PKD1L1: variants seen among roughly 807,000 people sequenced by gnomAD.
PKD1L1 encodes polycystin 1 like 1, transient receptor potential channel interacting.
Under a neutral mutation model 323.4 loss-of-function variants are expected in PKD1L1, and 236 were observed. The ratio of observed to expected loss-of-function variants is 0.73; its 90% CI spans 0.66 to 0.81. The LOEUF (loss-of-function observed/expected upper bound fraction) is 0.81, where lower values mean the gene tolerates loss of function less well. Among genes scored for constraint, PKD1L1 ranks in the 40% least tolerant of loss-of-function variants. The pLI is 0.00. For synonymous variants in PKD1L1, 1,344 were observed against 1,335.0 expected, an observed-to-expected ratio of 1.01 and a Z score of -0.15; for missense variants, 3,320 against 3,508.0, an observed-to-expected ratio of 0.95 and a Z score of 1.35.
rs115153778 is a variant in PKD1L1, at chr7:47,775,138, G to A, written c.*5C>T. On this transcript the variant is annotated 3_prime_UTR_variant, in exon 57 of 57. Coordinates refer to ENST00000289672, the MANE Select transcript of PKD1L1 (RefSeq NM_138295.5). The stretch of plus-strand genomic sequence containing the variant: ...CCATAGTGCCTATGCAAGGTACCAG[G>A]CTCCTCAGAAGTCCTTGATGTCTGC... The A allele has an allele frequency of 6.2e-7, 1 of 1,613,788 alleles. No individual in the cohort carries two copies. Among genetic ancestry groups the A allele is most frequent in the Non-Finnish European group, 8.5e-7 (1 of 1,179,934 alleles).
intron 56 of PKD1L1, among the ~76,000 whole-genome samples, chr7:47,777,621 A>T (rs918406941): frequency 3.3e-5 from 5 of 152,222 alleles, no homozygotes; most frequent in Admixed American, 3.3e-4. Flanking sequence ...GCATTAGTGT[A>T]AGTATAGTTT....
Position 47,840,353 on chromosome 7 carries a change from A to G in PKD1L1, c.5552+108T>C, listed in dbSNP as rs191520159. ...GTTTGTATATAAATCGATGCTCACT[A>G]TTAGAGACCAATGTTATGTATTCTA... On this transcript the variant is annotated intron_variant, in intron 35 of 56. Transcript: ENST00000289672. The surrounding 1 kb of genome is among the most constrained non-coding windows in gnomAD (Gnocchi z 4.1). 1,652 of 732,680 alleles carry G rather than the reference A, an allele frequency of 2.3e-3. 11 individuals are homozygous for G. In the Middle Eastern group the frequency reaches 0.027, roughly 12 times the overall value. The allele number at this position is 732,680 out of a possible 1,614,324, so 45.4% of individuals were successfully genotyped here.
In PKD1L1 at chr7:47,857,053, C is replaced by T. The variant is rs111227916; in HGVS notation, c.4590+552G>A. Among the ~76,000 whole-genome samples the T allele has an allele frequency of 3.2e-3, 491 of 152,336 alleles. 7 individuals are homozygous for T. Among genetic ancestry groups the T allele is most frequent in the African/African-American group, 0.011 (476 of 41,574 alleles). ...CTCCCTGACTTCCCCATCCTCACAT[C>T]CCCCTTTCACTGTGGTCCCCTGTTC... On this transcript the variant is annotated intron_variant, in intron 28 of 56. Transcript: ENST00000289672.
the PKD1L1 span, among the ~76,000 whole-genome samples, chr7:47,960,414 AG>A: frequency 2.7e-5 from 4 of 148,408 alleles, no homozygotes; most frequent in Non-Finnish European, 6.0e-5. Context: ...AGAAAAAAAA[AG>A]AGCTCCATAT....
At chr7:47,911,032 T>C (rs925191703) in intron 8 of PKD1L1, among the ~76,000 whole-genome samples, 1 of 152,090 alleles carries the variant, frequency 6.6e-6, no homozygotes, top group Non-Finnish European at 1.5e-5. Context: ...AATACTGATA[T>C]AGTTCGGATG....
At chr7:47,898,373 T>C (rs1011978106) in intron 13 of PKD1L1, among the ~76,000 whole-genome samples, 179 bp from the exon 14 acceptor site, 1 of 151,888 alleles carries the variant, frequency 6.6e-6, no homozygotes, top group Non-Finnish European at 1.5e-5. Flanking sequence ...ATCTATTTTA[T>C]AGACAAAAAT....
At chr7:47,951,514 A>G (rs1456801798), upstream of PKD1L1, among the ~76,000 whole-genome samples, 2 of 152,238 alleles carry the variant, frequency 1.3e-5, no homozygotes, top group African/African-American at 4.8e-5. Flanking sequence ...TTCAGAATGA[A>G]TACCTGAAAG....
At chr7:47,804,100 G>A (rs1320074158) in intron 52 of PKD1L1, among the ~76,000 whole-genome samples, 2 of 152,284 alleles carry the variant, frequency 1.3e-5, no homozygotes, top group East Asian at 1.9e-4. Context: ...ATCTATATGG[G>A]CAATGAATCA....
intron 45 of PKD1L1, among the ~76,000 whole-genome samples, chr7:47,823,795 C>A (rs774660782): frequency 6.6e-6 from 1 of 152,186 alleles, no homozygotes; most frequent in South Asian, 2.1e-4. Context: ...AAATATCCCC[C>A]CTCCTGTTAT....
chr7:47,902,309 A>G (rs112245358), intron 13 of PKD1L1, 70 bp downstream of exon 13: 1 of 1,568,596 alleles, frequency 6.4e-7, no homozygotes, highest in South Asian at 1.2e-5. Context: ...TCACCACTCC[A>G]AACAGTGGTC....
In PKD1L1 at chr7:47,880,823, C is replaced by G. The variant is rs1218853522; in HGVS notation, c.3443-18G>C. On this transcript the variant is annotated intron_variant, in intron 20 of 56. Transcript: ENST00000289672. ...TGTAATACCTGCAGAAAAGACATGG[C>G]TGCATGGAAATGACAGTCAGTGGTC... 6.3e-7 allele frequency: 1 copy of G among 1,585,514 alleles called. No individual in the cohort carries two copies. Among genetic ancestry groups the G allele is most frequent in the African/African-American group, 1.4e-5 (1 of 73,288 alleles).
At chr7:47,911,579 C>T (rs1787322064) in intron 8 of PKD1L1, among the ~76,000 whole-genome samples, 1 of 152,194 alleles carries the variant, frequency 6.6e-6, no homozygotes, top group Non-Finnish European at 1.5e-5. Flanking sequence ...TAGCCTTCTA[C>T]TTAATCTTCT....
chr7:47,866,751 G>C lies in PKD1L1; in HGVS notation c.3897-137C>G, dbSNP rs1011240553. 5.8e-5 allele frequency: 38 copies of C among 658,942 alleles called. No homozygotes were observed. In the African/African-American group the frequency reaches 6.1e-4, roughly 11 times the overall value. The allele number at this position is 658,942 out of a possible 1,614,324, so 40.8% of individuals were successfully genotyped here. ...AGGGTAGAAAGAGAATGATACAAAG[G>C]AGAATTGGTCTGTGCAACGGAAACT... On this transcript the variant is annotated intron_variant, in intron 24 of 56. Transcript: ENST00000289672.
At chr7:47,894,315 T>C (rs1025834946) in intron 14 of PKD1L1, among the ~76,000 whole-genome samples, 1 of 152,210 alleles carries the variant, frequency 6.6e-6, no homozygotes, top group Non-Finnish European at 1.5e-5. Flanking sequence ...TCCTAGCTTG[T>C]GAACACAATA....
chr7:47,846,747 G>T, intron 32 of PKD1L1, 132 bp downstream of exon 32: 2 of 800,424 alleles, frequency 2.5e-6, no homozygotes, highest in Non-Finnish European at 3.8e-6. Flanking sequence ...AGGCTGGAGA[G>T]TTGTACAAAC....
At chr7:47,788,818 C>T (rs367841605) in intron 56 of PKD1L1, among the ~76,000 whole-genome samples, 1 of 150,954 alleles carries the variant, frequency 6.6e-6, no homozygotes, top group Non-Finnish European at 1.5e-5. Context: ...AGGATGGTCT[C>T]GATCTCCTGA....
intron 7 of PKD1L1, among the ~76,000 whole-genome samples, chr7:47,927,191 G>C (rs1787670737): frequency 6.7e-6 from 1 of 149,498 alleles, no homozygotes; most frequent in East Asian, 2.0e-4. Context: ...CTTAATAAAA[G>C]TTAAAAATTC....
chr7:47,815,336 G>C lies in PKD1L1; in HGVS notation c.7087C>G (p.Gln2363Glu), dbSNP rs777677160. Reference sequence around the variant, plus strand: ...TGAAGAGGAGACGGAAAGCTCACCTGAGCCCCCGGCACACGGGCTGACGGG... The same window carrying C: ...TGAAGAGGAGACGGAAAGCTCACCTCAGCCCCCGGCACACGGGCTGACGGG... ...GTPSARVPGA[Q>E]PGALGGKCYL... Residue 2363 changes from glutamine to glutamate, a missense_variant and splice_region_variant, in exon 47 of 57, where the codon CAG (glutamine) becomes GAG (glutamate). By Grantham distance (29) the Gln-to-Glu change is conservative. Transcript: ENST00000289672. The C allele has an allele frequency of 2.5e-5, 41 of 1,613,668 alleles. No individual in the cohort carries two copies. Among genetic ancestry groups the C allele is most frequent in the Non-Finnish European group, 3.0e-5 (35 of 1,179,920 alleles).
At chr7:47,948,171 C>T (rs909432056) in intron 1 of PKD1L1, among the ~76,000 whole-genome samples, 4 of 152,124 alleles carry the variant, frequency 2.6e-5, no homozygotes, top group Non-Finnish European at 2.9e-5. Context: ...TGAAGGCATC[C>T]GCTTGGAGGA....
Sources: allele counts gnomAD v4.1 joint callset (sites outside exome capture counted in the v4.1 genomes callset), GRCh38; gene constraint gnomAD v4.1.1; non-coding constraint Gnocchi (gnomAD v3.1); transcripts MANE v1.5; gene names NCBI Gene and HGNC (gene_info 2026-07-23, HGNC 2026-07-21).